The following BTBD9 variants were observed in gnomAD, a reference collection of about 807,000 sequenced individuals.
BTBD9 encodes BTB domain containing 9.
BTBD9 carries 49 observed loss-of-function variants against 64.3 expected under a neutral mutation model. That is an observed-to-expected ratio of 0.76 (90% CI 0.61 to 0.97). The LOEUF is 0.97. Ranked by LOEUF, BTBD9 falls within the 50% of genes least tolerant of loss-of-function variation. The pLI is 0.00. For synonymous variants in BTBD9, 260 were observed against 274.7 expected (o/e 0.95, Z 0.53); for missense variants, 598 against 762.1 (o/e 0.78, Z 2.53).
intron 6 of BTBD9, among the ~76,000 whole-genome samples, chr6:38,457,385 A>G (rs1325765137): frequency 6.6e-6 from 1 of 152,206 alleles, no homozygotes; most frequent in Non-Finnish European, 1.5e-5. Context: ...TGTCAACTAC[A>G]GTGGTGTTAG....
In BTBD9 at chr6:38,522,095, A is replaced by T. The variant is rs1431001608; in HGVS notation, c.1154+55505T>A. On this transcript the variant is annotated intron_variant, in intron 6 of 10. Coordinates refer to ENST00000481247, the MANE Select transcript of BTBD9 (RefSeq NM_001099272.2). The stretch of plus-strand genomic sequence containing the variant: ...CCGAGTGTGGGCCTCCTCCTTTCTG[A>T]AGCTAAGCTCGCAGGCTCCGTCTTA... Among the ~76,000 whole-genome samples the T allele has an allele frequency of 3.3e-5, 5 of 152,056 alleles. No individual in the cohort carries two copies. The East Asian group carries it at 9.7e-4, about 29-fold the overall frequency.
intron 8 of BTBD9, among the ~76,000 whole-genome samples, chr6:38,278,067 T>C (rs1561962764): frequency 4.6e-5 from 7 of 152,184 alleles, no homozygotes. Flanking sequence ...ATTTTCCTAA[T>C]AAAAAAGGAA....
chr6:38,517,853 C>G (rs546740822), intron 6 of BTBD9, among the ~76,000 whole-genome samples: 2 of 152,206 alleles, frequency 1.3e-5, no homozygotes, highest in Non-Finnish European at 2.9e-5. Flanking sequence ...TTGCCCTTAC[C>G]CTTATAGACT....
At chr6:38,492,907 G>A (rs1166205616) in intron 6 of BTBD9, among the ~76,000 whole-genome samples, 1 of 152,130 alleles carries the variant, frequency 6.6e-6, no homozygotes, top group Admixed American at 6.5e-5. Context: ...GGCAAATTAT[G>A]TTTATAGCTG....
chr6:38,210,884 G>C (rs1249461811), intron 9 of BTBD9, among the ~76,000 whole-genome samples: 1 of 152,146 alleles, frequency 6.6e-6, no homozygotes, highest in Non-Finnish European at 1.5e-5. Context: ...TTCAGGGAGA[G>C]TGTGTCTTGA....
chr6:38,495,192 AATAAC>A (rs1771897037), intron 6 of BTBD9, among the ~76,000 whole-genome samples: 1 of 152,234 alleles, frequency 6.6e-6, no homozygotes, highest in Admixed American at 6.5e-5. Context: ...AAAACAGGCA[AATAAC>A]ATCTCTGTGT....
rs559012671 is a variant in BTBD9 at position 38,560,361 on chromosome 6, G to A, written c.1154+17239C>T. On this transcript the variant is annotated intron_variant, in intron 6 of 10. Coordinates refer to ENST00000481247, the MANE Select transcript of BTBD9 (RefSeq NM_001099272.2). ...GAAATGCAAATCAAAACCACAATGCGATACCATCTCACATTAATCATAATA... is the reference window on the plus strand; with the variant it reads ...GAAATGCAAATCAAAACCACAATGCAATACCATCTCACATTAATCATAATA... 9.2e-5 allele frequency among the ~76,000 whole-genome samples: 14 copies of A among 152,084 alleles called. No homozygotes were observed. The East Asian group carries it at 1.7e-3, about 19-fold the overall frequency.
intron 7 of BTBD9, among the ~76,000 whole-genome samples, chr6:38,335,983 ACCT>A (rs1312902173): frequency 6.6e-6 from 1 of 151,702 alleles, no homozygotes; most frequent in African/African-American, 2.4e-5. Context: ...GATCCACCAA[ACCT>A]CAGCCTCCCA....
intron 6 of BTBD9, among the ~76,000 whole-genome samples, chr6:38,392,554 A>G (rs1409262683): frequency 6.6e-6 from 1 of 152,224 alleles, no homozygotes; most frequent in Non-Finnish European, 1.5e-5. Flanking sequence ...TACATAAGCT[A>G]TCCCACTGAA....
In BTBD9 at chr6:38,185,550, G is replaced by A. The variant is rs145188795; in HGVS notation, c.1641+6969C>T. 2.6e-5 allele frequency among the ~76,000 whole-genome samples: 4 copies of A among 152,248 alleles called. No individual in the cohort carries two copies. In the East Asian group the frequency reaches 7.7e-4, roughly 29 times the overall value. ...TGCCACTCAAGACTGGGTTGATCTCGTACAAATTAGTTAACGTCTCTCAGC... is the reference window on the plus strand; with the variant it reads ...TGCCACTCAAGACTGGGTTGATCTCATACAAATTAGTTAACGTCTCTCAGC... On this transcript the variant is annotated intron_variant, in intron 10 of 10. Coordinates refer to ENST00000481247, the MANE Select transcript of BTBD9 (RefSeq NM_001099272.2).
At chr6:38,392,790 T>C (rs1360601084) in intron 6 of BTBD9, among the ~76,000 whole-genome samples, 3 of 151,662 alleles carry the variant, frequency 2.0e-5, no homozygotes, top group Non-Finnish European at 4.4e-5. Flanking sequence ...TAGAGTTAAT[T>C]TATAAAGCAC....
At chr6:38,613,107 G>C (rs993531930) in intron 1 of BTBD9, 3 of 152,132 alleles carry the variant, frequency 2.0e-5, no homozygotes, top group Non-Finnish European at 2.9e-5. Context: ...TTGAGTAGTT[G>C]TCAAATTGGT....
At chr6:38,551,548 C>T (rs1774803237) in intron 6 of BTBD9, among the ~76,000 whole-genome samples, 2 of 152,226 alleles carry the variant, frequency 1.3e-5, no homozygotes, top group African/African-American at 2.4e-5. Context: ...AAAGAAGCCA[C>T]TATTGTTATT....
intron 1 of BTBD9, among the ~76,000 whole-genome samples, chr6:38,623,836 A>ACC (rs1057483563): frequency 6.6e-6 from 1 of 152,166 alleles, no homozygotes; most frequent in African/African-American, 2.4e-5. Context: ...TACAAATGGA[A>ACC]CCCCAAATGA....
intron 9 of BTBD9, among the ~76,000 whole-genome samples, chr6:38,215,932 C>A (rs1217132913): frequency 6.6e-6 from 1 of 152,230 alleles, no homozygotes; most frequent in African/African-American, 2.4e-5. Context: ...TGCCACTAAT[C>A]CTTCCATTGT....
chr6:38,176,441 A>G (rs1301781812), intron 10 of BTBD9, among the ~76,000 whole-genome samples: 2 of 151,708 alleles, frequency 1.3e-5, no homozygotes, highest in Non-Finnish European at 2.9e-5. Flanking sequence ...GGGAGCTGCC[A>G]TTTTCTCTTA....
intron 8 of BTBD9, among the ~76,000 whole-genome samples, chr6:38,262,070 C>T (rs1017870842): frequency 2.0e-5 from 3 of 152,202 alleles, no homozygotes; most frequent in Non-Finnish European, 4.4e-5. Context: ...TTTTGCTCTA[C>T]CAATTCCCTT....
At chr6:38,197,386 C>T (rs1392202572) in intron 9 of BTBD9, among the ~76,000 whole-genome samples, 1 of 152,188 alleles carries the variant, frequency 6.6e-6, no homozygotes, top group Non-Finnish European at 1.5e-5. Context: ...GAAGACCTTT[C>T]AAATAATTTA....
chr6:38,210,374 C>T (rs538741391), intron 9 of BTBD9, among the ~76,000 whole-genome samples: 1 of 152,294 alleles, frequency 6.6e-6, no homozygotes, highest in Non-Finnish European at 1.5e-5. Context: ...GGCTCAAACA[C>T]ATAAACAGAC....
Sources: allele counts gnomAD v4.1 joint callset (sites outside exome capture counted in the v4.1 genomes callset), GRCh38; gene constraint gnomAD v4.1.1; transcripts MANE v1.5; gene names NCBI Gene and HGNC (gene_info 2026-07-23, HGNC 2026-07-21).